The following TEX11 variants were observed in gnomAD, a reference collection of about 807,000 sequenced individuals.
TEX11 encodes the protein testis-expressed protein 11.
In TEX11, 7 loss-of-function variants were observed where a neutral mutation model predicts 84.4. The ratio of observed to expected loss-of-function variants is 0.08; its 90% confidence interval spans 0.05 to 0.16. TEX11 has a LOEUF of 0.16. TEX11 is among the 10% of genes least tolerant of loss of function. The probability of loss-of-function intolerance (pLI) is 1.00; values close to 1 mark genes in which losing one functional copy is unlikely to be tolerated. For synonymous variants in TEX11, 264 were observed against 222.8 expected (o/e 1.18, Z -1.64); for missense variants, 551 against 660.5 (o/e 0.83, Z 1.82).
At chrX:70,738,341 T>A (rs1376070516) in intron 11 of TEX11, among the ~76,000 whole-genome samples, 1 of 111,524 alleles carries the variant, frequency 9.0e-6, no homozygotes, top group Admixed American at 9.5e-5. Context: ...CCAACAAACA[T>A]GAAAAAAAGC....
intron 25 of TEX11, among the ~76,000 whole-genome samples, chrX:70,589,120 C>G (rs1481531417): frequency 9.1e-6 from 1 of 110,214 alleles, no homozygotes; most frequent in Non-Finnish European, 1.9e-5. Flanking sequence ...CAACTGTACA[C>G]TTAAAAATGG....
At chrX:70,867,460 A>G (rs751348370) in intron 4 of TEX11, among the ~76,000 whole-genome samples, 76 of 111,985 alleles carry the variant, frequency 6.8e-4, no homozygotes, top group Non-Finnish European at 1.3e-3. Flanking sequence ...AAAGTAATTT[A>G]TAGATTCAAT....
At chrX:70,579,298 C>T in intron 25 of TEX11, among the ~76,000 whole-genome samples, 1 of 103,514 alleles carries the variant, frequency 9.7e-6, no homozygotes, top group South Asian at 4.6e-4. Flanking sequence ...ACCATCCTGG[C>T]TAACACGGTG....
chrX:70,734,119 A>G (rs1434567853), intron 11 of TEX11, among the ~76,000 whole-genome samples: 7 of 110,357 alleles, frequency 6.3e-5, no homozygotes, highest in Non-Finnish European at 1.3e-4. Flanking sequence ...ACACATGGAC[A>G]CAGGAAGGGG....
At chrX:70,798,005 C>T (rs1046867265) in intron 9 of TEX11, among the ~76,000 whole-genome samples, 6 of 83,379 alleles carry the variant, frequency 7.2e-5, no homozygotes, top group African/African-American at 2.6e-4. Flanking sequence ...GAAGTCTTAG[C>T]CAGAGCAATT....
chrX:70,634,766 T>A (rs1458169387), intron 17 of TEX11, among the ~76,000 whole-genome samples: 1 of 111,239 alleles, frequency 9.0e-6, no homozygotes, highest in Non-Finnish European at 1.9e-5. Flanking sequence ...AAAAATTAAC[T>A]AAAAATTGTT....
At chrX:70,765,601 A>G (rs2090934741) in intron 9 of TEX11, among the ~76,000 whole-genome samples, 1 of 111,707 alleles carries the variant, frequency 9.0e-6, no homozygotes, top group Admixed American at 9.5e-5. Context: ...CATGATATAA[A>G]CCCTCAAAAA....
intron 9 of TEX11, among the ~76,000 whole-genome samples, chrX:70,765,860 G>T (rs2090937097): frequency 8.9e-6 from 1 of 111,972 alleles, no homozygotes; most frequent in South Asian, 3.7e-4. Flanking sequence ...GCTTGCAGAA[G>T]ATATAATGTC....
intron 11 of TEX11, among the ~76,000 whole-genome samples, chrX:70,729,551 G>A (rs1038364733): frequency 8.9e-6 from 1 of 111,859 alleles, no homozygotes. Context: ...CTGGAAAAAA[G>A]GGTATCAGTG....
chrX:70,659,874 G>T (rs1426685356), intron 16 of TEX11, among the ~76,000 whole-genome samples: 1 of 111,769 alleles, frequency 8.9e-6, no homozygotes, highest in Non-Finnish European at 1.9e-5. Flanking sequence ...AACAACAGGG[G>T]TACATTCTGA....
At chrX:70,513,302 G>T in the TEX11 span, among the ~76,000 whole-genome samples, 1 of 103,599 alleles carries the variant, frequency 9.7e-6, no homozygotes, top group East Asian at 3.0e-4. Context: ...GCAGTGAGCA[G>T]AGATTGTGCC....
chrX:70,552,272 TC>T (rs746198715), intron 27 of TEX11, 26 bp from the exon 28 acceptor site: 45 of 1,195,864 alleles, frequency 3.8e-5, no homozygotes, highest in Non-Finnish European at 4.8e-5. Flanking sequence ...AGAAAACTCA[TC>T]CCATAAGGAA....
At chrX:70,689,779 T>A (rs919906596) in intron 13 of TEX11, among the ~76,000 whole-genome samples, 1 of 112,059 alleles carries the variant, frequency 8.9e-6, no homozygotes, top group African/African-American at 3.2e-5. Context: ...TCTAGATAAG[T>A]ATGCCTTTAA....
chrX:70,835,295 GTGTC>G (rs2147834725), intron 7 of TEX11, among the ~76,000 whole-genome samples: 1 of 112,064 alleles, frequency 8.9e-6, no homozygotes, highest in East Asian at 2.8e-4. Context: ...AACCCATAAA[GTGTC>G]TATCATTACT....
At chrX:70,760,180 C>T (rs2090899170) in intron 9 of TEX11, among the ~76,000 whole-genome samples, 1 of 111,595 alleles carries the variant, frequency 9.0e-6, no homozygotes. Flanking sequence ...ATGAAAATAG[C>T]CATACTGCCA....
At chrX:70,609,825 G>A (rs748737509) in intron 21 of TEX11, among the ~76,000 whole-genome samples, 4 of 111,017 alleles carry the variant, frequency 3.6e-5, no homozygotes, top group East Asian at 5.7e-4. Flanking sequence ...CAGTAAAAAT[G>A]GGAGATCTGT....
chrX:70,525,490 G>A (rs769867761), downstream of TEX11, among the ~76,000 whole-genome samples: 8 of 109,749 alleles, frequency 7.3e-5, no homozygotes, highest in Non-Finnish European at 1.3e-4. Context: ...GGAAGACTGA[G>A]ATGGGAGGAT....
chrX:70,620,331 T>C (rs2089369503), intron 20 of TEX11, among the ~76,000 whole-genome samples: 1 of 111,403 alleles, frequency 9.0e-6, no homozygotes, highest in Non-Finnish European at 1.9e-5. Context: ...AGATATACGA[T>C]GACAAATACA....
At position 70,560,893 on chromosome X, in the gene TEX11, G is replaced by GTTTTT. The variant is rs745618647; in HGVS notation, c.2141-6098_2141-6094dup. Among the ~76,000 whole-genome samples the GTTTTT allele has an allele frequency of 1.3e-3, 42 of 33,593 alleles. 3 individuals carry two copies. Among genetic ancestry groups the GTTTTT allele is most frequent in the South Asian group, 3.6e-3 (1 of 278 alleles). 29.2% of individuals were successfully genotyped at this position (33,593 alleles called of 115,157 possible). A position where few individuals can be genotyped will look rare whatever the true frequency, so the allele number is the denominator to read the frequency against. On this transcript the variant is annotated intron_variant, in intron 25 of 29. Coordinates refer to ENST00000374333, the MANE Select transcript of TEX11 (RefSeq NM_031276.3). ...ACCACAGGTGCATGCCACCACACCG[G>GTTTTT]TTTTTTTTTTTTTTTTTTTTTTTTT...
Sources: allele counts gnomAD v4.1 joint callset (sites outside exome capture counted in the v4.1 genomes callset), GRCh38; gene constraint gnomAD v4.1.1; transcripts MANE v1.5; gene names NCBI Gene and HGNC (gene_info 2026-07-23, HGNC 2026-07-21).